PDE4D: variants seen among roughly 807,000 people sequenced by gnomAD.
PDE4D encodes the protein 3',5'-cyclic-AMP phosphodiesterase 4D.
In PDE4D, 24 loss-of-function variants were observed where a neutral mutation model predicts 87.4. That is an observed-to-expected ratio of 0.27 (90% CI 0.20 to 0.39). PDE4D has a LOEUF of 0.39. PDE4D is among the 10% of genes least tolerant of loss of function. The pLI is 1.00. For synonymous variants in PDE4D, 384 were observed against 383.2 expected (o/e 1.00, Z -0.02); for missense variants, 714 against 1,041.0 (o/e 0.69, Z 4.32).
intron 1 of PDE4D, among the ~76,000 whole-genome samples, chr5:59,641,721 A>G (rs1741612366): frequency 6.6e-6 from 1 of 152,216 alleles, no homozygotes; most frequent in Admixed American, 6.5e-5. Flanking sequence ...CTTACTAATA[A>G]TCAAATAAAT....
rs144050771 is a variant in PDE4D, at chr5:60,206,006, G to T, written c.-89-20319C>A. Among the ~76,000 whole-genome samples the T allele has an allele frequency of 8.3e-3, 1,269 of 152,246 alleles. 14 individuals are homozygous for T. The highest frequency in any genetic ancestry group is 0.03 in the African/African-American group (1,228 of 41,532). On this transcript the variant is annotated intron_variant, in intron 1 of 16. Transcript: ENST00000502484. ...TATTCAACTAATGTCATTAAGTGAG[G>T]TATCTCCAGACATGGTACAGTTCCA...
chr5:59,836,658 C>CT lies in PDE4D; in HGVS notation c.455+56509_455+56510insA, dbSNP rs61603830. On this transcript the variant is annotated intron_variant, in intron 1 of 14. Transcript: ENST00000340635. ...TCTATCTATCTATCTATCTATCTATCATCTATCTACCTATCTATCTATCTA... is the reference window on the plus strand; with the variant it reads ...TCTATCTATCTATCTATCTATCTATCTATCTATCTACCTATCTATCTATCTA... 5.7e-3 allele frequency among the ~76,000 whole-genome samples: 685 copies of CT among 120,868 alleles called. 7 individuals are homozygous for CT. The highest frequency in any genetic ancestry group is 0.026 in the South Asian group (115 of 4,372). The allele number at this position is 120,868 out of a possible 152,430, so 79.3% of individuals were successfully genotyped here. A position where few individuals can be genotyped will look rare whatever the true frequency, so the allele number is the denominator to read the frequency against.
intron 1 of PDE4D, among the ~76,000 whole-genome samples, chr5:60,325,292 C>T (rs887040809): frequency 2.6e-5 from 4 of 152,146 alleles, no homozygotes; most frequent in Non-Finnish European, 4.4e-5. Flanking sequence ...TAACCTCAAC[C>T]AACCTCCCAC....
At chr5:60,181,854 T>C (rs367987573) in intron 2 of PDE4D, among the ~76,000 whole-genome samples, 1 of 152,166 alleles carries the variant, frequency 6.6e-6, no homozygotes, top group East Asian at 1.9e-4. Flanking sequence ...ACAGGGATAT[T>C]ATAAAGAAAA....
intron 5 of PDE4D, among the ~76,000 whole-genome samples, chr5:59,070,606 T>C (rs1183314343): frequency 6.6e-6 from 1 of 152,196 alleles, no homozygotes; most frequent in Non-Finnish European, 1.5e-5. Flanking sequence ...TCATTGTGTT[T>C]CCATGAGCAG....
At chr5:59,567,635 G>C (rs1821164159) in intron 1 of PDE4D, among the ~76,000 whole-genome samples, 1 of 152,148 alleles carries the variant, frequency 6.6e-6, no homozygotes. Context: ...CATTTTGGGG[G>C]AAAAATAATT....
At chr5:59,746,462 C>A (rs934888987) in intron 1 of PDE4D, among the ~76,000 whole-genome samples, 1 of 151,998 alleles carries the variant, frequency 6.6e-6, no homozygotes, top group Admixed American at 6.6e-5. Context: ...CCAAAGAAAC[C>A]GGCCATCCCA....
intron 1 of PDE4D, among the ~76,000 whole-genome samples, chr5:60,518,943 TG>T (rs1226052374): frequency 6.6e-6 from 1 of 152,184 alleles, no homozygotes; most frequent in Non-Finnish European, 1.5e-5. Context: ...CCACAGTCAC[TG>T]GGGAGAAAAC....
chr5:59,870,283 A>C (rs1046440516), intron 1 of PDE4D, among the ~76,000 whole-genome samples: 3 of 152,222 alleles, frequency 2.0e-5, no homozygotes, highest in Non-Finnish European at 2.9e-5. Flanking sequence ...CCTTTGCTTC[A>C]TTCCAACAAT....
chr5:59,762,847 G>A (rs1167260030), intron 1 of PDE4D, among the ~76,000 whole-genome samples: 94 of 96,970 alleles, frequency 9.7e-4, no homozygotes, highest in African/African-American at 3.5e-3. Context: ...AGAGCAAACT[G>A]CTTAAGGATA....
chr5:59,848,649 A>G (rs906163452), intron 1 of PDE4D, among the ~76,000 whole-genome samples: 4 of 152,060 alleles, frequency 2.6e-5, no homozygotes, highest in Non-Finnish European at 5.9e-5. Context: ...CGGTATTAAG[A>G]GTGAGTAAAG....
At chr5:60,473,878 G>A (rs973775090) in intron 1 of PDE4D, among the ~76,000 whole-genome samples, 14 of 112,150 alleles carry the variant, frequency 1.2e-4, no homozygotes, top group East Asian at 8.2e-4. Flanking sequence ...CCCGCCCGCC[G>A]CATTATTCTG....
Position 59,835,235 on chromosome 5 carries a change from A to G in PDE4D, c.455+57933T>C, listed in dbSNP as rs941377971. On this transcript the variant is annotated intron_variant, in intron 1 of 14. Transcript: ENST00000340635. Reference sequence around the variant, plus strand: ...CAAAATGGAGATAATCATTCCCAAGACAACTCTAGCTTCTGTGGAACTTTG... The same window carrying G: ...CAAAATGGAGATAATCATTCCCAAGGCAACTCTAGCTTCTGTGGAACTTTG... Among the ~76,000 whole-genome samples the G allele has an allele frequency of 2.0e-5, 3 of 152,094 alleles. No homozygotes were observed. In the East Asian group the frequency reaches 5.8e-4, roughly 29 times the overall value.
chr5:60,386,465 C>A (rs1216802105), intron 1 of PDE4D, among the ~76,000 whole-genome samples: 1 of 152,148 alleles, frequency 6.6e-6, no homozygotes, highest in Non-Finnish European at 1.5e-5. Context: ...CACATTGAAC[C>A]CAATTAGATA....
chr5:59,041,642 C>G (rs1759704359), intron 5 of PDE4D, among the ~76,000 whole-genome samples: 1 of 152,162 alleles, frequency 6.6e-6, no homozygotes, highest in East Asian at 1.9e-4. Context: ...GGAGTCCCCT[C>G]TGAGGTTCGG....
intron 1 of PDE4D, among the ~76,000 whole-genome samples, chr5:60,452,583 A>G (rs1436526040): frequency 6.6e-6 from 1 of 152,124 alleles, no homozygotes; most frequent in East Asian, 1.9e-4. Context: ...TTTGGTACAA[A>G]AGATATGTTT....
chr5:59,174,933 T>G (rs992124508), intron 5 of PDE4D, among the ~76,000 whole-genome samples: 3 of 152,130 alleles, frequency 2.0e-5, no homozygotes, highest in African/African-American at 7.2e-5. Context: ...ATCCTCTAAT[T>G]GAGGATGATT....
chr5:60,231,081 A>G (rs1745752519), intron 1 of PDE4D, among the ~76,000 whole-genome samples: 1 of 152,062 alleles, frequency 6.6e-6, no homozygotes, highest in South Asian at 2.1e-4. Flanking sequence ...ATAATTGGGA[A>G]TACTTCATAA....
chr5:59,792,837 G>T (rs903538687), intron 1 of PDE4D, among the ~76,000 whole-genome samples: 5 of 152,168 alleles, frequency 3.3e-5, no homozygotes, highest in Non-Finnish European at 7.3e-5. Flanking sequence ...AGAAGGACAG[G>T]AACTGGTATG....
Sources: allele counts gnomAD v4.1 joint callset (sites outside exome capture counted in the v4.1 genomes callset), GRCh38; gene constraint gnomAD v4.1.1; transcripts MANE v1.5; gene names NCBI Gene and HGNC (gene_info 2026-07-23, HGNC 2026-07-21).